Variants in SYNJ2 observed in about 807,000 individuals in gnomAD.
SYNJ2 encodes the protein synaptojanin 2, also known as polyphosphatidylinositol phosphatase SYNJ2.
In SYNJ2, 116 loss-of-function variants were observed where a neutral mutation model predicts 141.3. The observed-to-expected ratio is 0.82, with a 90% CI of 0.71 to 0.96. The LOEUF (loss-of-function observed/expected upper bound fraction) is 0.96, where lower values mean the gene tolerates loss of function less well. Ranked by LOEUF, SYNJ2 falls within the 40% of genes least tolerant of loss-of-function variation. SYNJ2 has a pLI of 0.00. For synonymous variants in SYNJ2, 745 were observed against 777.7 expected (o/e 0.96, Z 0.70); for missense variants, 1,873 against 1,934.8 (o/e 0.97, Z 0.60).
chr6:158,051,754 G>C (rs11756775), intron 5 of SYNJ2, among the ~76,000 whole-genome samples: 45,675 of 149,866 alleles, frequency 0.3, 7,014 homozygotes, highest in Middle Eastern at 0.47. Context: ...CAAGACCAAC[G>C]TGGGCAGCAT....
At chr6:158,000,887 C>A (rs1050960394) in intron 1 of SYNJ2, among the ~76,000 whole-genome samples, 1 of 152,160 alleles carries the variant, frequency 6.6e-6, no homozygotes, top group Non-Finnish European at 1.5e-5. Flanking sequence ...CACAGCTCCT[C>A]TTCCCTCCGT....
At position 158,066,563 on chromosome 6, in the gene SYNJ2, G is replaced by C. The variant is rs1379905982; in HGVS notation, c.1645G>C (p.Val549Leu). The C allele has an allele frequency of 1.9e-6, 3 of 1,614,048 alleles. No individual in the cohort carries two copies. The African/African-American group carries it at 4.0e-5, about 22-fold the overall frequency. Residue 549 changes from valine to leucine, a missense_variant, in exon 12 of 27, where the codon GTG (valine) becomes CTG (leucine). Physicochemically the swap from Val to Leu is conservative, Grantham distance 32. Transcript: ENST00000355585. The part of the protein sequence containing the change: ...VNGGKQFRSN[V>L]LRTAELTDWL... ...CGGAGGAAAGCAGTTCCGGAGCAAC[G>C]TGCTCAGGACGGCGGAGCTGACAGA...
intron 5 of SYNJ2, among the ~76,000 whole-genome samples, chr6:158,049,318 C>A (rs1269864890): frequency 6.6e-6 from 1 of 152,124 alleles, no homozygotes; most frequent in African/African-American, 2.4e-5. Context: ...CAGCTCGTGC[C>A]TGTGGCTTCT....
intron 3 of SYNJ2, among the ~76,000 whole-genome samples, chr6:158,031,707 G>T (rs1779374282): frequency 6.6e-6 from 1 of 152,192 alleles, no homozygotes. Flanking sequence ...GCAGGGTGAA[G>T]TCATCTTTCT....
chr6:158,060,394 T>C (rs1781145627), intron 7 of SYNJ2, among the ~76,000 whole-genome samples: 1 of 152,208 alleles, frequency 6.6e-6, no homozygotes, highest in Non-Finnish European at 1.5e-5. Context: ...CCAAGGGGGC[T>C]CCTGGTTCCT....
intron 1 of SYNJ2, among the ~76,000 whole-genome samples, chr6:157,989,145 A>G (rs1406269323): frequency 2.6e-5 from 4 of 152,080 alleles, no homozygotes; most frequent in African/African-American, 4.8e-5. Context: ...TGTTTATTGC[A>G]AGCTGTTTTG....
chr6:157,998,051 C>T (rs1188246475), intron 1 of SYNJ2, among the ~76,000 whole-genome samples: 1 of 152,232 alleles, frequency 6.6e-6, no homozygotes, highest in African/African-American at 2.4e-5. Flanking sequence ...TGGATATTCA[C>T]GCAGGCATTC....
At chr6:158,003,230 G>A (rs1777926637) in intron 1 of SYNJ2, among the ~76,000 whole-genome samples, 1 of 152,238 alleles carries the variant, frequency 6.6e-6, no homozygotes, top group African/African-American at 2.4e-5. Flanking sequence ...TGGACTTTTT[G>A]GTGAGGGAGC....
intron 22 of SYNJ2, among the ~76,000 whole-genome samples, chr6:158,085,068 G>A (rs1443706779): frequency 6.7e-6 from 1 of 149,794 alleles, no homozygotes; most frequent in African/African-American, 2.5e-5. Flanking sequence ...CTCCCAGGCT[G>A]GAGTGCAGTG....
chr6:157,983,050 C>G lies in SYNJ2; in HGVS notation c.127+962C>G, dbSNP rs571176658. Among the ~76,000 whole-genome samples the G allele has an allele frequency of 2.6e-5, 4 of 152,318 alleles. No homozygotes were observed. In the East Asian group the frequency reaches 5.8e-4, roughly 22 times the overall value. On this transcript the variant is annotated intron_variant, in intron 1 of 26. Coordinates refer to ENST00000355585, the MANE Select transcript of SYNJ2 (RefSeq NM_003898.4). ...TAGGCGTCCAGCTGTAACAGCTTGCCGGTATTCCTAGCTAAACAAGGTGCA... is the reference window on the plus strand; with the variant it reads ...TAGGCGTCCAGCTGTAACAGCTTGCGGGTATTCCTAGCTAAACAAGGTGCA...
intron 23 of SYNJ2, among the ~76,000 whole-genome samples, chr6:158,088,033 AATTTTTTTTTTTTTTTTT>A (rs1783184279): frequency 8.1e-5 from 3 of 36,816 alleles, no homozygotes; most frequent in Non-Finnish European, 1.2e-4. Context: ...CCTGCTTTGG[AATTTTTTTTTTTTTTTTT>A]TTTTTTTTTT....
At position 158,076,626 on chromosome 6, in the gene SYNJ2, A is replaced by G; in HGVS notation, c.2293A>G (p.Ile765Val). The G allele has an allele frequency of 6.2e-7, 1 of 1,611,120 alleles. No individual in the cohort carries two copies. The highest frequency in any genetic ancestry group is 1.7e-4 in the Middle Eastern group (1 of 6,050). Reference protein sequence around the residue: ...QLQLQKSSGKIFKDFHEGAIN... With the variant: ...QLQLQKSSGKVFKDFHEGAIN... ...TGATGACTTCTTTTTCTCCCAATAG[A>G]TTTTTAAGGACTTTCACGAAGGAGC... Residue 765 changes from isoleucine (I) to valine (V), a missense_variant and splice_region_variant, in exon 17 of 27, where the codon ATT (isoleucine) becomes GTT (valine). By Grantham distance (29) the Ile-to-Val change is conservative (BLOSUM62 3). Coordinates refer to ENST00000355585, the MANE Select transcript of SYNJ2 (RefSeq NM_003898.4).
chr6:158,040,323 A>C lies in SYNJ2; in HGVS notation c.712-2993A>C, dbSNP rs1363019790. Among the ~76,000 whole-genome samples, 1 of 152,052 alleles carries C rather than the reference A, an allele frequency of 6.6e-6. No individual in the cohort carries two copies. The highest frequency in any genetic ancestry group is 1.5e-5 in the Non-Finnish European group (1 of 68,008). On this transcript the variant is annotated intron_variant, in intron 4 of 26. Transcript: ENST00000355585. This position sits in a 1 kb window ranked among gnomAD's most constrained non-coding sequence, Gnocchi z 4.2. ...TCATGTGTATGTGTGCAGTGTGTGC[A>C]TTTATGTGTTGTATACACACATGTG...
In SYNJ2 at chr6:158,083,904, G is replaced by C. The variant is rs113329402; in HGVS notation, c.3035-97G>C. Reference sequence around the variant, plus strand: ...CCCTGAGCTGCAGGGCAGGGTGCACGTGTCCTGACAGGAGCTGAACCAGTC... The same window carrying C: ...CCCTGAGCTGCAGGGCAGGGTGCACCTGTCCTGACAGGAGCTGAACCAGTC... On this transcript the variant is annotated intron_variant, in intron 21 of 26. Coordinates refer to ENST00000355585, the MANE Select transcript of SYNJ2 (RefSeq NM_003898.4). 529 of 1,397,148 alleles carry C rather than the reference G, an allele frequency of 3.8e-4. 5 individuals are homozygous for C. In the African/African-American group the frequency reaches 6.6e-3, roughly 17 times the overall value. 86.5% of individuals were successfully genotyped at this position (1,397,148 alleles called of 1,614,324 possible).
intron 13 of SYNJ2, 91 bp downstream of exon 13, chr6:158,068,819 C>A (rs1358481617): frequency 2.1e-6 from 3 of 1,420,086 alleles, no homozygotes; most frequent in African/African-American, 1.4e-5. Context: ...CGGGAGCCAG[C>A]CTGCTTCTGA....
At chr6:158,015,968 A>C (rs1778438449) in intron 1 of SYNJ2, among the ~76,000 whole-genome samples, 1 of 152,176 alleles carries the variant, frequency 6.6e-6, no homozygotes, top group African/African-American at 2.4e-5. Flanking sequence ...CCATAATCTA[A>C]TTTTAGAATA....
rs778616482 is a variant in SYNJ2 at position 158,033,619 on chromosome 6, G to T, written c.650G>T (p.Arg217Leu). 2 of 1,613,400 alleles carry T rather than the reference G, an allele frequency of 1.2e-6. No individual in the cohort carries two copies. The highest frequency in any genetic ancestry group is 1.7e-6 in the Non-Finnish European group (2 of 1,180,014). ...SRVSCERTGTRFHTRGVNDDG... is the reference protein window; with the variant it reads ...SRVSCERTGTLFHTRGVNDDG... The stretch of plus-strand genomic sequence containing the variant: ...GTTAGCTGTGAGCGCACAGGCACTC[G>T]CTTCCACACCCGTGGCGTGAACGAC... The change falls in exon 4 of 27, where the codon CGC (arginine) becomes CTC (leucine). Residue 217 changes from arginine (R) to leucine (L), a missense_variant. By Grantham distance (102) the Arg-to-Leu change is moderately radical. Transcript: ENST00000355585.
In SYNJ2 at chr6:158,076,618, C is replaced by T. The variant is rs1782306752; in HGVS notation, c.2293-8C>T. 1 of 1,608,926 alleles carries T rather than the reference C, an allele frequency of 6.2e-7. No individual in the cohort carries two copies. The highest frequency in any genetic ancestry group is 8.5e-7 in the Non-Finnish European group (1 of 1,176,856). On this transcript the variant is annotated splice_region_variant and splice_polypyrimidine_tract_variant and intron_variant, in intron 16 of 26. Coordinates refer to ENST00000355585, the MANE Select transcript of SYNJ2 (RefSeq NM_003898.4). ...CGGTGGCCTGATGACTTCTTTTTCT[C>T]CCAATAGATTTTTAAGGACTTTCAC...
At position 158,078,382 on chromosome 6, in the gene SYNJ2, G is replaced by A. The variant is rs138731828; in HGVS notation, c.2567+101G>A. 1.2e-4 allele frequency: 90 copies of A among 721,158 alleles called. 1 individual carries two copies. The highest frequency in any genetic ancestry group is 7.6e-4 in the Admixed American group (33 of 43,278). The allele number at this position is 721,158 out of a possible 1,614,324, so 44.7% of individuals were successfully genotyped here. A position where few individuals can be genotyped will look rare whatever the true frequency, so the allele number is the denominator to read the frequency against. The stretch of plus-strand genomic sequence containing the variant: ...GCTGTCCCCATAAGGATGTGTGTGC[G>A]CATGGGGGTGCATTTTGTGTGCATA... On this transcript the variant is annotated intron_variant, in intron 18 of 26. Coordinates refer to ENST00000355585, the MANE Select transcript of SYNJ2 (RefSeq NM_003898.4).
Sources: allele counts gnomAD v4.1 joint callset (sites outside exome capture counted in the v4.1 genomes callset), GRCh38; gene constraint gnomAD v4.1.1; non-coding constraint Gnocchi (gnomAD v3.1); transcripts MANE v1.5; gene names NCBI Gene and HGNC (gene_info 2026-07-23, HGNC 2026-07-21).